GULP1: variants seen among roughly 807,000 people sequenced by gnomAD.
GULP1 encodes PTB domain-containing engulfment adapter protein 1.
Under a neutral mutation model 40.9 loss-of-function variants are expected in GULP1, and 19 were observed. The observed-to-expected ratio is 0.46, with a 90% CI of 0.32 to 0.68. The LOEUF (loss-of-function observed/expected upper bound fraction) is 0.68, where lower values mean the gene tolerates loss of function less well. Among genes scored for constraint, GULP1 ranks in the 30% least tolerant of loss-of-function variants. The pLI is 0.03. For synonymous variants in GULP1, 119 were observed against 117.6 expected, an observed-to-expected ratio of 1.01 and a Z score of -0.08; for missense variants, 312 against 362.2, an observed-to-expected ratio of 0.86 and a Z score of 1.12.
intron 1 of GULP1, among the ~76,000 whole-genome samples, chr2:188,352,649 C>CACAT (rs374718200): frequency 2.7e-5 from 4 of 146,108 alleles, no homozygotes; most frequent in Admixed American, 6.9e-5. Flanking sequence ...CACACACACA[C>CACAT]GGTTCTGTTT....
intron 2 of GULP1, among the ~76,000 whole-genome samples, chr2:188,413,804 C>T (rs1488259038): frequency 1.3e-5 from 2 of 152,146 alleles, no homozygotes; most frequent in Admixed American, 1.3e-4. Context: ...ATTGAGAGAG[C>T]TAAGGCTTAC....
chr2:188,349,970 T>A (rs996460527), intron 1 of GULP1, among the ~76,000 whole-genome samples: 1 of 152,136 alleles, frequency 6.6e-6, no homozygotes, highest in African/African-American at 2.4e-5. Context: ...AAGACTATTA[T>A]TTCCCCAATG....
At chr2:188,373,545 G>GT (rs1234779071) in intron 1 of GULP1, among the ~76,000 whole-genome samples, 2 of 151,862 alleles carry the variant, frequency 1.3e-5, no homozygotes, top group South Asian at 2.1e-4. Flanking sequence ...AGTGTCTATA[G>GT]TTTTTTTATT....
intron 1 of GULP1, among the ~76,000 whole-genome samples, chr2:188,321,558 A>G (rs181509326): frequency 6.6e-6 from 1 of 152,226 alleles, no homozygotes; most frequent in East Asian, 1.9e-4. Flanking sequence ...CACATATAAG[A>G]TTTTATTGTA....
chr2:188,452,701 C>A (rs1380195433), intron 2 of GULP1, among the ~76,000 whole-genome samples: 1 of 152,158 alleles, frequency 6.6e-6, no homozygotes, highest in African/African-American at 2.4e-5. Flanking sequence ...TAGTCCAAAG[C>A]AATCCACAGT....
intron 4 of GULP1, among the ~76,000 whole-genome samples, chr2:188,502,179 ATAAAACTG>A (rs1559316235): frequency 4.0e-5 from 4 of 100,384 alleles, no homozygotes; most frequent in Non-Finnish European, 8.5e-5. Flanking sequence ...ATAGATGTTT[ATAAAACTG>A]GTAAGAAGAG....
intron 1 of GULP1, among the ~76,000 whole-genome samples, chr2:188,340,701 C>T (rs1325406136): frequency 4.6e-5 from 7 of 152,110 alleles, no homozygotes; most frequent in Non-Finnish European, 7.3e-5. Context: ...CATCAGCACC[C>T]GTCACACCCG....
rs751422335 is a variant in GULP1 at position 188,443,086 on chromosome 2, C to T, written c.-44-34573C>T. The stretch of plus-strand genomic sequence containing the variant: ...TATTAAAACTATTCATGTTTGAACC[C>T]CTGTTGGATTTGTATAATGGTCTTG... On this transcript the variant is annotated intron_variant, in intron 2 of 11. Transcript: ENST00000409830. 2.0e-5 allele frequency among the ~76,000 whole-genome samples: 3 copies of T among 151,922 alleles called. No homozygotes were observed. The South Asian group carries it at 6.2e-4, about 32-fold the overall frequency.
At chr2:188,391,520 A>G (rs373138241) in intron 2 of GULP1, among the ~76,000 whole-genome samples, 2 of 152,098 alleles carry the variant, frequency 1.3e-5, no homozygotes, top group Admixed American at 6.6e-5. Context: ...AGAAGTCTTC[A>G]TGGTTTTCTA....
At chr2:188,446,142 A>G (rs865842618) in intron 2 of GULP1, among the ~76,000 whole-genome samples, 2 of 152,272 alleles carry the variant, frequency 1.3e-5, no homozygotes, top group South Asian at 4.2e-4. Flanking sequence ...GGGAGCATCT[A>G]GAAAGTCTTT....
At chr2:188,483,393 G>A (rs754070483) in intron 3 of GULP1, 38 bp from the exon 4 acceptor site, 2 of 1,072,834 alleles carry the variant, frequency 1.9e-6, no homozygotes, top group East Asian at 2.4e-5. Flanking sequence ...TGACACCATG[G>A]AAACCTAAAA....
chr2:188,391,436 T>C (rs1211997076), intron 2 of GULP1, among the ~76,000 whole-genome samples: 2 of 152,150 alleles, frequency 1.3e-5, no homozygotes, highest in Admixed American at 1.3e-4. Flanking sequence ...ATAGCAGTGC[T>C]ACTGATTTGT....
intron 1 of GULP1, among the ~76,000 whole-genome samples, chr2:188,350,431 A>G (rs758197788): frequency 1.3e-5 from 2 of 152,026 alleles, no homozygotes; most frequent in Admixed American, 1.3e-4. Flanking sequence ...TATTTTATGT[A>G]GTTTCTTCTT....
At chr2:188,358,421 T>C (rs1342924128) in intron 1 of GULP1, among the ~76,000 whole-genome samples, 1 of 152,144 alleles carries the variant, frequency 6.6e-6, no homozygotes, top group Non-Finnish European at 1.5e-5. Flanking sequence ...TGTTGCTTTT[T>C]AGCACTGTAG....
At chr2:188,364,794 A>G (rs2046547282) in intron 1 of GULP1, among the ~76,000 whole-genome samples, 1 of 143,970 alleles carries the variant, frequency 6.9e-6, no homozygotes, top group Non-Finnish European at 1.6e-5. Flanking sequence ...ATACATATAC[A>G]TATCATATAT....
intron 9 of GULP1, among the ~76,000 whole-genome samples, chr2:188,578,174 A>G (rs973526305): frequency 4.6e-5 from 7 of 152,070 alleles, no homozygotes; most frequent in Admixed American, 3.9e-4. Context: ...TATAATGCTA[A>G]TATTTCTGTA....
intron 9 of GULP1, among the ~76,000 whole-genome samples, chr2:188,580,532 G>C (rs546440272): frequency 7.4e-6 from 1 of 135,616 alleles, no homozygotes; most frequent in South Asian, 2.6e-4. Flanking sequence ...CAGCCTGGGC[G>C]ACAGAGCGAG....
At chr2:188,463,700 T>C (rs1350249278) in intron 2 of GULP1, among the ~76,000 whole-genome samples, 1 of 152,068 alleles carries the variant, frequency 6.6e-6, no homozygotes, top group Non-Finnish European at 1.5e-5. Context: ...TTTTTTTTCT[T>C]CGTTTTTCTC....
At chr2:188,314,292 C>T (rs1192881873) in intron 1 of GULP1, among the ~76,000 whole-genome samples, 2 of 152,108 alleles carry the variant, frequency 1.3e-5, no homozygotes, top group Non-Finnish European at 2.9e-5. Context: ...TGTCTCTGTC[C>T]TTAAGAATCA....
Sources: allele counts gnomAD v4.1 joint callset (sites outside exome capture counted in the v4.1 genomes callset), GRCh38; gene constraint gnomAD v4.1.1; transcripts MANE v1.5; gene names NCBI Gene and HGNC (gene_info 2026-07-23, HGNC 2026-07-21).